SH3RF3: variants seen among roughly 807,000 people sequenced by gnomAD.
SH3RF3 encodes SH3 domain containing ring finger 3.
In SH3RF3, 29 loss-of-function variants were observed where a neutral mutation model predicts 66.3. The observed-to-expected ratio is 0.44, with a 90% confidence interval of 0.33 to 0.60. The LOEUF (loss-of-function observed/expected upper bound fraction) is 0.60, where lower values mean the gene tolerates loss of function less well. Among genes scored for constraint, SH3RF3 ranks in the 20% least tolerant of loss-of-function variants. The pLI is 0.04. For missense variants in SH3RF3, 1,194 were observed against 1,190.9 expected (o/e 1.00, Z -0.04); for synonymous variants, 583 against 532.0 (o/e 1.10, Z -1.32).
intron 1 of SH3RF3, among the ~76,000 whole-genome samples, chr2:109,189,261 G>A (rs2105015179): frequency 6.6e-6 from 1 of 152,024 alleles, no homozygotes; most frequent in Admixed American, 6.5e-5. Context: ...GGCCAAGCTT[G>A]ATCTGGAGTT....
At chr2:109,328,095 A>G (rs1682197427) in intron 1 of SH3RF3, among the ~76,000 whole-genome samples, 1 of 152,230 alleles carries the variant, frequency 6.6e-6, no homozygotes, top group Non-Finnish European at 1.5e-5. Context: ...TCAATATTTC[A>G]GTATGTATTA....
intron 8 of SH3RF3, among the ~76,000 whole-genome samples, chr2:109,460,789 C>A (rs1678190301): frequency 6.6e-6 from 1 of 152,248 alleles, no homozygotes; most frequent in African/African-American, 2.4e-5. Flanking sequence ...GCCTATGAAT[C>A]ATTAAACAAT....
chr2:109,413,258 G>A (rs983315086), intron 4 of SH3RF3, among the ~76,000 whole-genome samples: 1 of 152,172 alleles, frequency 6.6e-6, no homozygotes, highest in Non-Finnish European at 1.5e-5. Flanking sequence ...GGGATTACAG[G>A]TGCTTGCCAC....
At chr2:109,378,383 TC>T (rs1683438941) in intron 3 of SH3RF3, among the ~76,000 whole-genome samples, 2 of 152,164 alleles carry the variant, frequency 1.3e-5, no homozygotes, top group Non-Finnish European at 2.9e-5. Context: ...AGTTCTCAAC[TC>T]CCAGTTGACT....
chr2:109,381,319 G>T (rs542678102), intron 3 of SH3RF3, among the ~76,000 whole-genome samples: 3 of 152,208 alleles, frequency 2.0e-5, no homozygotes, highest in Non-Finnish European at 4.4e-5. Flanking sequence ...CTGTTTTTCT[G>T]CTTCTCCTGT....
chr2:109,432,067 A>C (rs141668418), intron 5 of SH3RF3, among the ~76,000 whole-genome samples: 40 of 152,302 alleles, frequency 2.6e-4, no homozygotes, highest in African/African-American at 9.6e-4. Context: ...AGAATAGCTT[A>C]GCTCACCCTC....
chr2:109,385,635 C>T (rs960865751), intron 3 of SH3RF3, among the ~76,000 whole-genome samples: 1 of 152,318 alleles, frequency 6.6e-6, no homozygotes, highest in South Asian at 2.1e-4. Context: ...GCAGGCAGAG[C>T]CTGAGGTCAG....
intron 1 of SH3RF3, among the ~76,000 whole-genome samples, chr2:109,327,406 T>C (rs1682184383): frequency 6.6e-6 from 1 of 152,246 alleles, no homozygotes; most frequent in South Asian, 2.1e-4. Context: ...ACTATTCTTT[T>C]GTAATTACTG....
At chr2:109,189,936 T>C (rs751339331) in intron 1 of SH3RF3, among the ~76,000 whole-genome samples, 7 of 152,144 alleles carry the variant, frequency 4.6e-5, no homozygotes, top group Non-Finnish European at 8.8e-5. Flanking sequence ...CTCCATGAGG[T>C]TGGATGCAAA....
intron 5 of SH3RF3, among the ~76,000 whole-genome samples, chr2:109,428,471 G>A (rs565285329): frequency 2.5e-4 from 38 of 152,290 alleles, no homozygotes; most frequent in Admixed American, 6.5e-4. Context: ...CGGCCCAGCC[G>A]CCAGCCTATC....
intron 1 of SH3RF3, among the ~76,000 whole-genome samples, chr2:109,325,796 C>G (rs1682140346): frequency 6.6e-6 from 1 of 152,212 alleles, no homozygotes; most frequent in Non-Finnish European, 1.5e-5. Context: ...GCTGCACCCT[C>G]CTTATTACTG....
chr2:109,477,327 G>GCC (rs1312758668), intron 8 of SH3RF3, among the ~76,000 whole-genome samples: 1 of 152,114 alleles, frequency 6.6e-6, no homozygotes, highest in Non-Finnish European at 1.5e-5. Context: ...GCCGCTCCCT[G>GCC]CCCTCCATGA....
chr2:109,432,493 G>A lies in SH3RF3; in HGVS notation c.1404-8G>A. The A allele has an allele frequency of 6.2e-7, 1 of 1,612,878 alleles. No homozygotes were observed. Among genetic ancestry groups the A allele is most frequent in the Non-Finnish European group, 8.5e-7 (1 of 1,179,574 alleles). On this transcript the variant is annotated splice_polypyrimidine_tract_variant and splice_region_variant and intron_variant, in intron 5 of 9. Coordinates refer to ENST00000309415, the MANE Select transcript of SH3RF3 (RefSeq NM_001099289.3). The stretch of plus-strand genomic sequence containing the variant: ...CCCACTGACACTGGCCCCATGCTTT[G>A]CCCGCAGGTACCTGGCGCTCTACGC...
At chr2:109,145,175 C>T (rs539169432) in intron 1 of SH3RF3, among the ~76,000 whole-genome samples, 1 of 152,332 alleles carries the variant, frequency 6.6e-6, no homozygotes, top group Non-Finnish European at 1.5e-5. Context: ...CAGTTCACTC[C>T]TGCCTTTCTG....
rs1335346146 is a variant in SH3RF3, at chr2:109,275,104, T to C, written c.574-72570T>C. Among the ~76,000 whole-genome samples the C allele has an allele frequency of 2.0e-5, 3 of 152,076 alleles. No individual in the cohort carries two copies. The East Asian group carries it at 5.8e-4, about 29-fold the overall frequency. The stretch of plus-strand genomic sequence containing the variant: ...TCCACCATTAAAAAAAAAGAAAATG[T>C]GTTCCACGCTTGTCTGCCTTATTAT... On this transcript the variant is annotated intron_variant, in intron 1 of 9. Coordinates refer to ENST00000309415, the MANE Select transcript of SH3RF3 (RefSeq NM_001099289.3).
chr2:109,149,298 T>C (rs1467264347), intron 1 of SH3RF3, among the ~76,000 whole-genome samples: 2 of 152,210 alleles, frequency 1.3e-5, no homozygotes, highest in Non-Finnish European at 2.9e-5. Flanking sequence ...ATCCATTGGC[T>C]TAGAGCTGAG....
At chr2:109,133,071 G>C (rs1230208873) in intron 1 of SH3RF3, among the ~76,000 whole-genome samples, 1 of 152,214 alleles carries the variant, frequency 6.6e-6, no homozygotes, top group African/African-American at 2.4e-5. Context: ...TGGGCTTTCT[G>C]GATGGAGCTG....
chr2:109,146,897 C>G lies in SH3RF3; in HGVS notation c.573+16784C>G, dbSNP rs1015011783. Among the ~76,000 whole-genome samples, 36 of 85,952 alleles carry G rather than the reference C, an allele frequency of 4.2e-4. 1 individual carries two copies. In the South Asian group the frequency reaches 0.018, roughly 43 times the overall value. The allele number at this position is 85,952 out of a possible 152,430, so 56.4% of individuals were successfully genotyped here. A position where few individuals can be genotyped will look rare whatever the true frequency, so the allele number is the denominator to read the frequency against. On this transcript the variant is annotated intron_variant, in intron 1 of 9. Coordinates refer to ENST00000309415, the MANE Select transcript of SH3RF3 (RefSeq NM_001099289.3). ...CTTCTTTTTTCCCTCCCCCCCCCCC[C>G]CCCCGCCCCAATATCCTATGAAGGC... is the stretch of plus-strand genomic sequence containing the variant.
At chr2:109,273,726 G>C (rs1680679966) in intron 1 of SH3RF3, among the ~76,000 whole-genome samples, 1 of 152,196 alleles carries the variant, frequency 6.6e-6, no homozygotes, top group South Asian at 2.1e-4. Context: ...TGCAGGGTAG[G>C]AGTCACATTT....
Sources: gnomAD v4.1 joint callset for allele counts (sites outside exome capture counted in the v4.1 genomes callset) on GRCh38, gnomAD v4.1.1 for gene constraint, MANE v1.5 for transcripts, NCBI Gene and HGNC (gene_info 2026-07-23, HGNC 2026-07-21) for gene names.